HYCC2: variants seen among roughly 807,000 people sequenced by gnomAD.
HYCC2 encodes hyccin PI4KA lipid kinase complex subunit 2, also known as hyccin 2.
At chr2:201,070,596 G>A in the HYCC2 span, among the ~76,000 whole-genome samples, 2 of 151,790 alleles carry the variant, frequency 1.3e-5, no homozygotes, top group African/African-American at 4.8e-5. Flanking sequence ...AGGTTGCTGT[G>A]AGCCGAGATC....
At chr2:201,037,554 A>G in the HYCC2 span, among the ~76,000 whole-genome samples, 1 of 152,214 alleles carries the variant, frequency 6.6e-6, no homozygotes, top group Admixed American at 6.5e-5. Flanking sequence ...ATATAGACCA[A>G]TGGAACAGAA....
At chr2:201,011,419 G>A in the HYCC2 span, 26 of 1,583,584 alleles carry the variant, frequency 1.6e-5, no homozygotes, top group Non-Finnish European at 2.1e-5. Context: ...GCTTGGATAA[G>A]GAGGGGATAG....
chr2:201,062,951 A>ACTGCTG, the HYCC2 span: 1 of 1,038,854 alleles, frequency 9.6e-7, no homozygotes, highest in Non-Finnish European at 1.4e-6. Context: ...AACAACTACT[A>ACTGCTG]CTGCTGCTGC....
At chr2:201,037,808 A>T in the HYCC2 span, among the ~76,000 whole-genome samples, 9 of 152,134 alleles carry the variant, frequency 5.9e-5, no homozygotes, top group Admixed American at 2.0e-4. Flanking sequence ...AACCTAGGCA[A>T]TACCATTCAG....
chr2:200,981,282 T>C, the HYCC2 span: 112 of 1,613,308 alleles, frequency 6.9e-5, no homozygotes, highest in Non-Finnish European at 9.2e-5. The surrounding 1 kb of genome is among the most constrained non-coding windows in gnomAD (Gnocchi z 4.5). Context: ...ACACCTGGGA[T>C]ATTAGCTGCA....
chr2:201,026,957 C>A, the HYCC2 span, among the ~76,000 whole-genome samples: 2 of 152,124 alleles, frequency 1.3e-5, no homozygotes, highest in Admixed American at 6.6e-5. Context: ...CAAGAAATAA[C>A]TAAGATCAGA....
the HYCC2 span, among the ~76,000 whole-genome samples, chr2:201,004,096 G>T: frequency 7.9e-5 from 12 of 152,248 alleles, no homozygotes; most frequent in African/African-American, 2.9e-4. Context: ...GATTACAGGC[G>T]TGAGCCACCA....
chr2:200,997,391 T>A, the HYCC2 span: 1 of 1,264,284 alleles, frequency 7.9e-7, no homozygotes, highest in Non-Finnish European at 1.2e-6. Flanking sequence ...GAGAATGTGC[T>A]CAATAAATAT....
chr2:200,981,373 A>T, the HYCC2 span: 1 of 1,614,168 alleles, frequency 6.2e-7, no homozygotes, highest in Non-Finnish European at 8.5e-7. The surrounding 1 kb of genome is among the most constrained non-coding windows in gnomAD (Gnocchi z 4.5). Context: ...AGCTTGACCT[A>T]GCCGGTCTTC....
the HYCC2 span, among the ~76,000 whole-genome samples, chr2:201,019,026 T>C: frequency 6.6e-6 from 1 of 152,204 alleles, no homozygotes; most frequent in African/African-American, 2.4e-5. Context: ...GTGTATTCTA[T>C]GTAGTGCCAA....
chr2:201,007,246 G>A, the HYCC2 span, among the ~76,000 whole-genome samples: 2 of 152,208 alleles, frequency 1.3e-5, no homozygotes, highest in South Asian at 2.1e-4. Flanking sequence ...ATTGTAAATC[G>A]AAAATATCAT....
chr2:201,011,067 C>T, the HYCC2 span, among the ~76,000 whole-genome samples: 1 of 152,022 alleles, frequency 6.6e-6, no homozygotes, highest in Non-Finnish European at 1.5e-5. Context: ...ATCGCTTGAA[C>T]CCAGGAGGCA....
chr2:201,067,268 T>C, the HYCC2 span: 1 of 160,420 alleles, frequency 6.2e-6, no homozygotes, highest in African/African-American at 2.4e-5. Context: ...TCAAGCACTA[T>C]CAACAGTTAA....
At chr2:200,993,423 C>A in the HYCC2 span, among the ~76,000 whole-genome samples, 11 of 152,032 alleles carry the variant, frequency 7.2e-5, no homozygotes, top group African/African-American at 2.7e-4. Flanking sequence ...TCTGTGAGGC[C>A]ATTTTTAAAC....
At chr2:201,011,506 A>C in the HYCC2 span, 1 of 1,091,364 alleles carries the variant, frequency 9.2e-7, no homozygotes, top group South Asian at 1.9e-5. Context: ...ATAATGAAAT[A>C]ATCACAGATC....
At chr2:201,006,487 G>A in the HYCC2 span, among the ~76,000 whole-genome samples, 1 of 151,794 alleles carries the variant, frequency 6.6e-6, no homozygotes. Context: ...AAATACATTA[G>A]CACCTTGGAA....
At chr2:201,032,582 C>T in the HYCC2 span, among the ~76,000 whole-genome samples, 28 of 152,118 alleles carry the variant, frequency 1.8e-4, 1 homozygote, top group Admixed American at 5.2e-4. Flanking sequence ...TTAATTCCTA[C>T]GTGGTTTTTA....
At chr2:201,025,216 G>A in the HYCC2 span, among the ~76,000 whole-genome samples, 3 of 152,108 alleles carry the variant, frequency 2.0e-5, no homozygotes, top group African/African-American at 7.2e-5. Flanking sequence ...GTCAACCCTG[G>A]AAGTTTATCA....
chr2:200,998,934 C>A, the HYCC2 span, among the ~76,000 whole-genome samples: 1 of 152,160 alleles, frequency 6.6e-6, no homozygotes, highest in Admixed American at 6.5e-5. Flanking sequence ...TTTCAGATCC[C>A]TTCACTTTCT....
Sources: allele counts gnomAD v4.1 joint callset (sites outside exome capture counted in the v4.1 genomes callset), GRCh38; gene constraint gnomAD v4.1.1; non-coding constraint Gnocchi (gnomAD v3.1); transcripts MANE v1.5; gene names NCBI Gene and HGNC (gene_info 2026-07-23, HGNC 2026-07-21).